The following SAMHD1 variants were observed in gnomAD, a reference collection of about 807,000 sequenced individuals.
SAMHD1 encodes SAM and HD domain containing deoxynucleoside triphosphate triphosphohydrolase 1, also known as deoxynucleoside triphosphate triphosphohydrolase SAMHD1.
SAMHD1 carries 54 observed loss-of-function variants against 79.6 expected under a neutral mutation model. The observed-to-expected ratio is 0.68, with a 90% CI of 0.55 to 0.85. SAMHD1 has a LOEUF of 0.85. Ranked by LOEUF, SAMHD1 falls within the 40% of genes least tolerant of loss-of-function variation. SAMHD1 has a pLI of 0.00. For synonymous variants in SAMHD1, 260 were observed against 264.1 expected, an observed-to-expected ratio of 0.98 and a Z score of 0.15; for missense variants, 663 against 782.7, an observed-to-expected ratio of 0.85 and a Z score of 1.82.
chr20:36,907,024 T>G (rs1015029939), intron 11 of SAMHD1, among the ~76,000 whole-genome samples: 3 of 151,834 alleles, frequency 2.0e-5, no homozygotes, highest in Non-Finnish European at 2.9e-5. Context: ...ACTCCTGGCC[T>G]CAAGTGATCC....
intron 15 of SAMHD1, among the ~76,000 whole-genome samples, chr20:36,894,638 G>A (rs1160832745): frequency 6.6e-6 from 1 of 151,634 alleles, no homozygotes; most frequent in Non-Finnish European, 1.5e-5. Flanking sequence ...ATGGTGGCAC[G>A]TGCCTGTAGT....
In SAMHD1 at chr20:36,916,800, A is replaced by C. The variant is rs1351629453; in HGVS notation, c.984T>G (p.Asn328Lys). The stretch of plus-strand genomic sequence containing the variant: ...ACTTAATAAAGCGCTTGTAATCAAA[A>C]TTATTTTGGATTCCAAGATGATGGC... ...RDCHHLGIQN[N>K]FDYKRFIKFA... Residue 328 changes from asparagine (N) to lysine (K), a missense_variant, in exon 9 of 16, where the codon AAT becomes AAG. Transcript: ENST00000646673. 13 of 1,613,992 alleles carry C rather than the reference A, an allele frequency of 8.1e-6. No homozygotes were observed. The highest frequency in any genetic ancestry group is 1.1e-5 in the Non-Finnish European group (13 of 1,179,996).
intron 3 of SAMHD1, 178 bp from the exon 4 acceptor site, chr20:36,935,367 A>C (rs775700686): frequency 8.2e-6 from 5 of 607,530 alleles, no homozygotes; most frequent in Non-Finnish European, 1.5e-5. Context: ...TACCAGACAG[A>C]TCAAGTATAT....
At chr20:36,949,455 T>TA (rs113009599) in intron 1 of SAMHD1, among the ~76,000 whole-genome samples, 29,693 of 123,392 alleles carry the variant, frequency 0.24, 3,905 homozygotes, top group East Asian at 0.48. Flanking sequence ...TGTCTCTAAT[T>TA]AAAAAAAAAA....
At chr20:36,934,687 T>G (rs2063591526) in intron 4 of SAMHD1, 2 of 167,244 alleles carry the variant, frequency 1.2e-5, no homozygotes, top group African/African-American at 4.8e-5. Flanking sequence ...GATGGGGTTT[T>G]GCTCTTGTTG....
chr20:36,932,642 C>G (rs1401847878), intron 4 of SAMHD1, among the ~76,000 whole-genome samples: 2 of 151,842 alleles, frequency 1.3e-5, no homozygotes, highest in African/African-American at 2.4e-5. Context: ...ATCTTGAACT[C>G]CTGACCTCAG....
intron 9 of SAMHD1, among the ~76,000 whole-genome samples, chr20:36,916,143 T>A (rs4812585): frequency 0.83 from 125,855 of 151,516 alleles, 52,657 homozygotes; most frequent in East Asian, 0.99. Context: ...CCTGGGTGAC[T>A]GAGCGAGACT....
chr20:36,893,139 C>T, intron 15 of SAMHD1, 73 bp from the exon 16 acceptor site: 1 of 1,564,908 alleles, frequency 6.4e-7, no homozygotes, highest in Non-Finnish European at 8.7e-7. Context: ...GAGTGAAAGT[C>T]TCAAGTGCGC....
rs189696227 is a variant in SAMHD1, at chr20:36,896,749, C to A, written c.1746+1073G>T. ...ACTCAGGAGGCTGAGGCAGGGGAAT[C>A]GCTTGAACCTGGGAGGCAGAGGTTG... On this transcript the variant is annotated intron_variant, in intron 15 of 15. Transcript: ENST00000646673. Among the ~76,000 whole-genome samples the A allele has an allele frequency of 8.5e-5, 13 of 152,128 alleles. No individual in the cohort carries two copies. In the East Asian group the frequency reaches 2.5e-3, roughly 30 times the overall value.
intron 13 of SAMHD1, among the ~76,000 whole-genome samples, chr20:36,900,741 T>G (rs1479913013): frequency 6.6e-6 from 1 of 151,642 alleles, no homozygotes; most frequent in Non-Finnish European, 1.5e-5. Flanking sequence ...TCACTTTTTT[T>G]TTTTTTAATT....
chr20:36,901,981 C>T (rs1990314306), intron 13 of SAMHD1, among the ~76,000 whole-genome samples: 2 of 152,100 alleles, frequency 1.3e-5, no homozygotes, highest in African/African-American at 4.8e-5. Flanking sequence ...AATGGGAATA[C>T]TGAATACAGT....
chr20:36,905,261 G>A (rs771272493), intron 12 of SAMHD1, 103 bp downstream of exon 12: 35 of 1,270,774 alleles, frequency 2.8e-5, no homozygotes, highest in Admixed American at 1.0e-4. Flanking sequence ...GAGAATAAAC[G>A]TAAAGCACTT....
intron 4 of SAMHD1, among the ~76,000 whole-genome samples, chr20:36,933,441 T>C (rs1452638458): frequency 6.6e-6 from 1 of 152,172 alleles, no homozygotes; most frequent in African/African-American, 2.4e-5. Context: ...ACAGAAAAAT[T>C]AAATAATCAA....
chr20:36,943,319 A>G (rs1413622511), intron 2 of SAMHD1, among the ~76,000 whole-genome samples: 1 of 152,204 alleles, frequency 6.6e-6, no homozygotes, highest in Non-Finnish European at 1.5e-5. Flanking sequence ...TGTCCAACAC[A>G]GTAGCCGTTA....
Position 36,892,848 on chromosome 20 carries a change from T to A in SAMHD1, c.*84A>T, listed in dbSNP as rs1245105892. The A allele has an allele frequency of 6.5e-7, 1 of 1,529,538 alleles. No individual in the cohort carries two copies. Among genetic ancestry groups the A allele is most frequent in the East Asian group, 2.2e-5 (1 of 44,474 alleles). The allele number at this position is 1,529,538 out of a possible 1,614,324, so 94.7% of individuals were successfully genotyped here. On this transcript the variant is annotated 3_prime_UTR_variant, in exon 16 of 16. Transcript: ENST00000646673. ...AAATACAAAATTAAAGCATGAGTTG[T>A]CATTAATTTGCAGAATTCTATGATT...
chr20:36,927,066 C>CACTGT (rs2063541004), intron 6 of SAMHD1, 116 bp downstream of exon 6: 1 of 880,988 alleles, frequency 1.1e-6, no homozygotes, highest in African/African-American at 1.7e-5. Context: ...GCACCCTGGA[C>CACTGT]ACTGTAATGG....
At chr20:36,901,321 C>T (rs1350379905) in intron 13 of SAMHD1, among the ~76,000 whole-genome samples, 1 of 152,292 alleles carries the variant, frequency 6.6e-6, no homozygotes, top group Non-Finnish European at 1.5e-5. Context: ...TGCACCACCA[C>T]ACCTGGATAA....
chr20:36,947,976 G>A (rs1215054957), intron 1 of SAMHD1, among the ~76,000 whole-genome samples: 1 of 152,086 alleles, frequency 6.6e-6, no homozygotes, highest in Non-Finnish European at 1.5e-5. Context: ...CAGGCCTCCA[G>A]TGGTTTTTGA....
At chr20:36,926,691 C>T (rs771705721) in intron 6 of SAMHD1, among the ~76,000 whole-genome samples, 2 of 152,132 alleles carry the variant, frequency 1.3e-5, no homozygotes, top group African/African-American at 2.4e-5. Context: ...AAAAACCAAC[C>T]TAATTTTACT....
Sources: gnomAD v4.1 joint callset for allele counts (sites outside exome capture counted in the v4.1 genomes callset) on GRCh38, gnomAD v4.1.1 for gene constraint, MANE v1.5 for transcripts, NCBI Gene and HGNC (gene_info 2026-07-23, HGNC 2026-07-21) for gene names.